CCDC171: variants seen among roughly 807,000 people sequenced by gnomAD.
CCDC171 encodes coiled-coil domain-containing protein 171.
A neutral mutation model predicts 168.2 loss-of-function variants in CCDC171; 177 were observed. The ratio of observed to expected loss-of-function variants is 1.05; its 90% confidence interval spans 0.93 to 1.19. CCDC171 has a LOEUF of 1.19. CCDC171 is among the 50% of genes most tolerant of loss of function. The probability of loss-of-function intolerance (pLI) is 0.00; values close to 1 mark genes in which losing one functional copy is unlikely to be tolerated. For synonymous variants in CCDC171, 687 were observed against 540.8 expected (o/e 1.27, Z -3.75); for missense variants, 1,991 against 1,539.0 (o/e 1.29, Z -4.91).
upstream of CCDC171, among the ~76,000 whole-genome samples, chr9:16,039,597 G>A (rs1201892610): frequency 6.6e-6 from 1 of 152,156 alleles, no homozygotes. Context: ...CCATAAACTC[G>A]TCTAGCCTCC....
At chr9:15,800,991 C>T (rs1002901175) in intron 21 of CCDC171, among the ~76,000 whole-genome samples, 1 of 152,024 alleles carries the variant, frequency 6.6e-6, no homozygotes, top group Non-Finnish European at 1.5e-5. Flanking sequence ...ATGCCAGTAC[C>T]ATGCTGTTTT....
At chr9:16,076,382 C>T in the CCDC171 span, among the ~76,000 whole-genome samples, 17 of 152,184 alleles carry the variant, frequency 1.1e-4, no homozygotes, top group Non-Finnish European at 2.2e-4. Flanking sequence ...CCCACAGTTT[C>T]TATTTGAGTC....
At chr9:15,760,919 G>A (rs930690813) in intron 18 of CCDC171, among the ~76,000 whole-genome samples, 3 of 152,094 alleles carry the variant, frequency 2.0e-5, no homozygotes, top group Non-Finnish European at 4.4e-5. Context: ...CAAATGGTGT[G>A]CCTGCAAGAG....
At chr9:15,770,209 C>T (rs951387765) in intron 18 of CCDC171, among the ~76,000 whole-genome samples, 3 of 152,152 alleles carry the variant, frequency 2.0e-5, no homozygotes, top group Non-Finnish European at 2.9e-5. Flanking sequence ...TCCAACATGA[C>T]ATGTATGATG....
At chr9:15,611,186 T>C (rs907492328) in intron 6 of CCDC171, among the ~76,000 whole-genome samples, 5 of 152,202 alleles carry the variant, frequency 3.3e-5, no homozygotes, top group African/African-American at 1.2e-4. Context: ...ACCATGATTG[T>C]AAATTTCCTG....
At chr9:15,789,256 G>C (rs186158658) in intron 21 of CCDC171, among the ~76,000 whole-genome samples, 4 of 152,222 alleles carry the variant, frequency 2.6e-5, no homozygotes, top group East Asian at 1.9e-4. Context: ...CAACCAGTAA[G>C]TATATAAATA....
chr9:15,906,977 C>G (rs7854190), intron 24 of CCDC171, among the ~76,000 whole-genome samples: 46,988 of 151,298 alleles, frequency 0.31, 7,587 homozygotes, highest in African/African-American at 0.38. Flanking sequence ...TCAAGGAGAA[C>G]TACAAACCAC....
At chr9:15,879,224 C>T (rs1223097177) in intron 24 of CCDC171, among the ~76,000 whole-genome samples, 1 of 152,176 alleles carries the variant, frequency 6.6e-6, no homozygotes, top group Non-Finnish European at 1.5e-5. Flanking sequence ...TACAAACTCA[C>T]ATGCACATAT....
chr9:15,601,231 C>A (rs1466151956), intron 6 of CCDC171, among the ~76,000 whole-genome samples: 1 of 152,346 alleles, frequency 6.6e-6, no homozygotes, highest in South Asian at 2.1e-4. Flanking sequence ...ATCGCTCTTG[C>A]TGGGAGCTGT....
At chr9:16,033,618 T>G (rs972453292) in intron 6 of CCDC171, among the ~76,000 whole-genome samples, 1 of 152,198 alleles carries the variant, frequency 6.6e-6, no homozygotes, top group African/African-American at 2.4e-5. Flanking sequence ...TATATTACAA[T>G]GTAACAATAA....
At chr9:15,902,476 G>A (rs778063987) in intron 24 of CCDC171, among the ~76,000 whole-genome samples, 23 of 152,156 alleles carry the variant, frequency 1.5e-4, no homozygotes, top group Admixed American at 2.6e-4. Flanking sequence ...AGGTAGTATT[G>A]AAACATGAAT....
At chr9:16,071,363 C>G in the CCDC171 span, among the ~76,000 whole-genome samples, 1 of 152,206 alleles carries the variant, frequency 6.6e-6, no homozygotes, top group African/African-American at 2.4e-5. Flanking sequence ...AGTCTCCTCT[C>G]CCCTTGTCCA....
At chr9:15,598,461 G>C (rs1250800280) in intron 6 of CCDC171, among the ~76,000 whole-genome samples, 6 of 152,100 alleles carry the variant, frequency 3.9e-5, no homozygotes, top group Admixed American at 3.3e-4. Context: ...GAGCGGTTTT[G>C]AGTGAGTTTC....
chr9:15,834,825 C>A (rs537439216), intron 21 of CCDC171, among the ~76,000 whole-genome samples: 1 of 152,194 alleles, frequency 6.6e-6, no homozygotes, highest in Non-Finnish European at 1.5e-5. Context: ...CAAGGAAAAT[C>A]ACTATGATAG....
upstream of CCDC171, among the ~76,000 whole-genome samples, chr9:16,040,141 C>G (rs991268377): frequency 6.6e-6 from 1 of 152,156 alleles, no homozygotes; most frequent in Non-Finnish European, 1.5e-5. Flanking sequence ...ACTCCACAGT[C>G]CCTCCTCTGC....
chr9:16,007,603 T>G (rs913142312), intron 3 of CCDC171, among the ~76,000 whole-genome samples: 3 of 152,202 alleles, frequency 2.0e-5, no homozygotes, highest in Non-Finnish European at 4.4e-5. Context: ...TTGAATTAAT[T>G]TTAGTATAAG....
chr9:15,791,442 T>G (rs1588517495), intron 21 of CCDC171, among the ~76,000 whole-genome samples: 1 of 152,162 alleles, frequency 6.6e-6, no homozygotes, highest in African/African-American at 2.4e-5. Flanking sequence ...TGCACATTGA[T>G]TTTGTATCCT....
chr9:15,953,756 T>G (rs1442878986), intron 25 of CCDC171, among the ~76,000 whole-genome samples: 1 of 152,172 alleles, frequency 6.6e-6, no homozygotes, highest in Non-Finnish European at 1.5e-5. Context: ...CTAATGTTAA[T>G]TCTTCTTTAA....
rs1027970101 is a variant in CCDC171 at position 15,694,799 on chromosome 9, A to G, written c.1216-436A>G. 8.5e-5 allele frequency among the ~76,000 whole-genome samples: 13 copies of G among 152,314 alleles called. No individual in the cohort carries two copies. In the South Asian group the frequency reaches 2.7e-3, roughly 32 times the overall value. The stretch of plus-strand genomic sequence containing the variant: ...CAATACCCTAGACCAAAGTACTGTC[A>G]CTTGACTGCTGCAGTAACTTCAAAT... On this transcript the variant is annotated intron_variant, in intron 10 of 25. Transcript: ENST00000380701.
Sources: allele counts gnomAD v4.1 joint callset (sites outside exome capture counted in the v4.1 genomes callset), GRCh38; gene constraint gnomAD v4.1.1; transcripts MANE v1.5; gene names NCBI Gene and HGNC (gene_info 2026-07-23, HGNC 2026-07-21).